KHDRBS3: variants seen among roughly 807,000 people sequenced by gnomAD.
The protein encoded by KHDRBS3 is KH RNA binding domain containing, signal transduction associated 3.
Under a neutral mutation model 45.6 loss-of-function variants are expected in KHDRBS3, and 23 were observed. The observed-to-expected ratio is 0.50, with a 90% CI of 0.36 to 0.72. KHDRBS3 has a LOEUF of 0.72. Among genes scored for constraint, KHDRBS3 ranks in the 30% least tolerant of loss-of-function variants. KHDRBS3 has a pLI of 0.00. For missense variants in KHDRBS3, 352 were observed against 424.8 expected (o/e 0.83, Z 1.51); for synonymous variants, 162 against 156.5 (o/e 1.04, Z -0.26).
intron 1 of KHDRBS3, chr8:135,459,049 CT>C: frequency 6.9e-6 from 3 of 436,082 alleles, no homozygotes; most frequent in South Asian, 1.6e-5. Context: ...GATCTGTTAC[CT>C]TTTGCAGGAA....
intron 7 of KHDRBS3, among the ~76,000 whole-genome samples, chr8:135,613,275 T>C (rs1829778976): frequency 6.6e-6 from 1 of 151,906 alleles, no homozygotes; most frequent in South Asian, 2.1e-4. Context: ...TGGTTAAGTC[T>C]GACGGACCTA....
intron 1 of KHDRBS3, among the ~76,000 whole-genome samples, chr8:135,505,800 G>A (rs1823964913): frequency 6.6e-6 from 1 of 151,802 alleles, no homozygotes; most frequent in Non-Finnish European, 1.5e-5. Context: ...CTGGCTTGCT[G>A]AGGAGGTATG....
chr8:135,460,468 T>C (rs750137618), intron 1 of KHDRBS3, among the ~76,000 whole-genome samples: 1 of 152,214 alleles, frequency 6.6e-6, no homozygotes, highest in Non-Finnish European at 1.5e-5. Flanking sequence ...ATCTAAGCTT[T>C]TGGGCAACTG....
intron 3 of KHDRBS3, among the ~76,000 whole-genome samples, chr8:135,544,002 A>C (rs1826169270): frequency 6.6e-6 from 1 of 152,168 alleles, no homozygotes; most frequent in Non-Finnish European, 1.5e-5. Flanking sequence ...TGCTCTCTTA[A>C]ATTATGACTT....
chr8:135,457,983 G>A lies in KHDRBS3; in HGVS notation c.88+29G>A, dbSNP rs748846005. On this transcript the variant is annotated intron_variant, in intron 1 of 8. Coordinates refer to ENST00000355849, the MANE Select transcript of KHDRBS3 (RefSeq NM_006558.3). The surrounding 1 kb of genome is among the most constrained non-coding windows in gnomAD (Gnocchi z 4.4). ...AGGCGCCGGCCGTTAACTGCCGGCC[G>A]GCGGCGGTTGGGGGCCGGGTGGAAA... The A allele has an allele frequency of 6.4e-6, 10 of 1,558,174 alleles. No homozygotes were observed. The highest frequency in any genetic ancestry group is 3.5e-5 in the South Asian group (3 of 84,720).
At chr8:135,629,033 G>A (rs1027941769) in intron 7 of KHDRBS3, among the ~76,000 whole-genome samples, 4 of 152,192 alleles carry the variant, frequency 2.6e-5, no homozygotes, top group African/African-American at 7.2e-5. Flanking sequence ...TCTGAAGATC[G>A]ATTTCTTCCC....
chr8:135,645,992 A>ATTTTTTTTTTTTTTTTTTTTTTTTT (rs57082119), intron 8 of KHDRBS3, among the ~76,000 whole-genome samples: 1 of 100,688 alleles, frequency 9.9e-6, no homozygotes. Flanking sequence ...TGCACCTTGG[A>ATTTTTTTTTTTTTTTTTTTTTTTTT]TTTTTTTTTT....
intron 7 of KHDRBS3, among the ~76,000 whole-genome samples, chr8:135,644,454 C>T (rs575606052): frequency 2.0e-5 from 3 of 152,312 alleles, no homozygotes; most frequent in Admixed American, 2.0e-4. Context: ...CAGCAGCTTC[C>T]GGATGGTGAT....
downstream of KHDRBS3, among the ~76,000 whole-genome samples, chr8:135,649,996 A>G (rs778054587): frequency 3.3e-5 from 5 of 152,064 alleles, no homozygotes; most frequent in Non-Finnish European, 7.3e-5. Flanking sequence ...CCATGGGAAG[A>G]CCCTGCTATA....
chr8:135,613,405 G>T (rs1360601361), intron 7 of KHDRBS3, among the ~76,000 whole-genome samples: 1 of 151,746 alleles, frequency 6.6e-6, no homozygotes, highest in Non-Finnish European at 1.5e-5. Context: ...AGTGTAAAAA[G>T]ATTCTCGTTT....
rs758906351 is a variant in KHDRBS3, at chr8:135,522,931, T to A, written c.207+1576T>A. ...TTGAAAGATGTTTCCCTCCACTGAT[T>A]GTTTTGGTGCCTTTGATGAGACAAT... On this transcript the variant is annotated intron_variant, in intron 2 of 8. Transcript: ENST00000355849. Among the ~76,000 whole-genome samples, 38 of 152,320 alleles carry A rather than the reference T, an allele frequency of 2.5e-4. 1 individual carries two copies. Among genetic ancestry groups the A allele is most frequent in the Non-Finnish European group, 2.1e-4 (14 of 68,022 alleles).
At chr8:135,638,833 C>T (rs1247000177) in intron 7 of KHDRBS3, among the ~76,000 whole-genome samples, 1 of 145,728 alleles carries the variant, frequency 6.9e-6, no homozygotes, top group East Asian at 2.1e-4. Flanking sequence ...CGCCTATAGT[C>T]CCAGCTACTC....
chr8:135,563,579 C>T (rs1350574164), intron 5 of KHDRBS3, among the ~76,000 whole-genome samples: 3 of 152,196 alleles, frequency 2.0e-5, no homozygotes, highest in Non-Finnish European at 4.4e-5. Context: ...CATAAAGACC[C>T]ATGTGTCCCT....
At chr8:135,601,956 G>A (rs1048522487) in intron 6 of KHDRBS3, among the ~76,000 whole-genome samples, 20 of 152,128 alleles carry the variant, frequency 1.3e-4, no homozygotes, top group Admixed American at 9.8e-4. Flanking sequence ...ATAAGAGCAT[G>A]AGGGAAAAAA....
At chr8:135,567,580 G>A (rs778262447) in intron 5 of KHDRBS3, among the ~76,000 whole-genome samples, 12 of 152,190 alleles carry the variant, frequency 7.9e-5, no homozygotes, top group Non-Finnish European at 1.0e-4. Flanking sequence ...GAGGGAATGT[G>A]CCTTTTGCCC....
At chr8:135,511,438 T>C (rs1156755339) in intron 1 of KHDRBS3, among the ~76,000 whole-genome samples, 1 of 152,224 alleles carries the variant, frequency 6.6e-6, no homozygotes, top group East Asian at 1.9e-4. Flanking sequence ...CTGTCTTCCT[T>C]TTTGGAAATT....
intron 1 of KHDRBS3, among the ~76,000 whole-genome samples, chr8:135,503,632 A>G (rs904582442): frequency 6.6e-5 from 10 of 151,014 alleles, no homozygotes; most frequent in Non-Finnish European, 1.3e-4. Flanking sequence ...GTAGTAGGTG[A>G]TCTTCATGTT....
At chr8:135,573,129 C>T (rs1827786781) in intron 5 of KHDRBS3, among the ~76,000 whole-genome samples, 1 of 152,130 alleles carries the variant, frequency 6.6e-6, no homozygotes, top group Non-Finnish European at 1.5e-5. Flanking sequence ...ACTCTGTAGT[C>T]AGCATGGGTC....
At chr8:135,656,447 A>C (rs1831533585) in exon 5 of KHDRBS3, 1 of 152,240 alleles carries the variant, frequency 6.6e-6, no homozygotes, top group Non-Finnish European at 1.5e-5. Flanking sequence ...GTTGACTCCC[A>C]ATAACAAAAA....
Sources: allele counts gnomAD v4.1 joint callset (sites outside exome capture counted in the v4.1 genomes callset), GRCh38; gene constraint gnomAD v4.1.1; non-coding constraint Gnocchi (gnomAD v3.1); transcripts MANE v1.5; gene names NCBI Gene and HGNC (gene_info 2026-07-23, HGNC 2026-07-21).